Variants in PGBD5 observed in about 807,000 individuals in gnomAD.
The protein encoded by PGBD5 is piggyBac transposable element-derived protein 5.
In PGBD5, 14 loss-of-function variants were observed where a neutral mutation model predicts 47.9. That is an observed-to-expected ratio of 0.29 (90% CI 0.19 to 0.46). PGBD5 has a LOEUF of 0.46. Ranked by LOEUF, PGBD5 falls within the 20% of genes least tolerant of loss-of-function variation. The pLI, the probability that PGBD5 is intolerant of heterozygous loss-of-function variation, is 1.00. For missense variants in PGBD5, 635 were observed against 716.0 expected, an observed-to-expected ratio of 0.89 and a Z score of 1.29; for synonymous variants, 316 against 306.3, an observed-to-expected ratio of 1.03 and a Z score of -0.33.
At chr1:230,412,773 A>C (rs1056883915) in intron 1 of PGBD5, among the ~76,000 whole-genome samples, 26 of 152,182 alleles carry the variant, frequency 1.7e-4, no homozygotes, top group Non-Finnish European at 2.8e-4. Flanking sequence ...TTGCTGTCTC[A>C]GGGGTGGAGG....
intron 1 of PGBD5, among the ~76,000 whole-genome samples, chr1:230,376,677 A>G (rs1196366739): frequency 6.6e-6 from 1 of 152,136 alleles, no homozygotes; most frequent in Non-Finnish European, 1.5e-5. Flanking sequence ...CTGCAAACAC[A>G]CAACTCCAGG....
In PGBD5 at chr1:230,316,527, T is replaced by C. The variant is rs1480949971; in HGVS notation, c.*6898A>G. The C allele has an allele frequency of 6.6e-6, 1 of 152,160 alleles. No homozygotes were observed. The highest frequency in any genetic ancestry group is 1.5e-5 in the Non-Finnish European group (1 of 68,046). The allele number at this position is 152,160 out of a possible 1,614,324, so 9.4% of individuals were successfully genotyped here. A position where few individuals can be genotyped will look rare whatever the true frequency, so the allele number is the denominator to read the frequency against. Reference sequence around the variant, plus strand: ...GGGAGGGAGCGCTCAAGGGGGAAACTAGAAGTTTTAAAAAGACAGGAAAGT... The same window carrying C: ...GGGAGGGAGCGCTCAAGGGGGAAACCAGAAGTTTTAAAAAGACAGGAAAGT... On this transcript the variant is annotated 3_prime_UTR_variant, in exon 7 of 7. Transcript: ENST00000391860.
intron 1 of PGBD5, among the ~76,000 whole-genome samples, chr1:230,393,162 A>C: frequency 8.9e-6 from 1 of 112,920 alleles, no homozygotes; most frequent in Non-Finnish European, 1.7e-5. Context: ...GGAAGGAAAA[A>C]GGGAAGAGAA....
At position 230,415,886 on chromosome 1, in the gene PGBD5, C is replaced by T. The variant is rs115897077; in HGVS notation, c.331+9712G>A. Among the ~76,000 whole-genome samples, 460 of 152,302 alleles carry T rather than the reference C, an allele frequency of 3.0e-3. 2 individuals are homozygous for T. Among genetic ancestry groups the T allele is most frequent in the African/African-American group, 0.01 (436 of 41,558 alleles). On this transcript the variant is annotated intron_variant, in intron 1 of 6. Coordinates refer to ENST00000391860, the MANE Select transcript of PGBD5 (RefSeq NM_001258311.2). ...GCTCTAATATGATTCTTCCTAGTCCCTTAATCAAAGGGACCAGTCTACTCT... is the reference window on the plus strand; with the variant it reads ...GCTCTAATATGATTCTTCCTAGTCCTTTAATCAAAGGGACCAGTCTACTCT...
intron 1 of PGBD5, among the ~76,000 whole-genome samples, chr1:230,391,120 G>A (rs996119226): frequency 6.9e-6 from 1 of 144,318 alleles, no homozygotes; most frequent in African/African-American, 2.5e-5. Context: ...AAGCACCAGG[G>A]CATGTCACCG....
In PGBD5 at chr1:230,323,688, C is replaced by A; in HGVS notation, c.1380-68G>T. On this transcript the variant is annotated intron_variant, in intron 6 of 6. Coordinates refer to ENST00000391860, the MANE Select transcript of PGBD5 (RefSeq NM_001258311.2). The surrounding 1 kb of genome is among the most constrained non-coding windows in gnomAD (Gnocchi z 4.1). ...GGCACCCGGAGATGCATCCCAAAGG[C>A]CCCCCCTCACCACAGCCCGTGAGAC... 2 of 293,602 alleles carry A rather than the reference C, an allele frequency of 6.8e-6. No homozygotes were observed. The highest frequency in any genetic ancestry group is 4.3e-5 in the African/African-American group (1 of 23,362). 18.2% of individuals were successfully genotyped at this position (293,602 alleles called of 1,614,324 possible). A position where few individuals can be genotyped will look rare whatever the true frequency, so the allele number is the denominator to read the frequency against.
intron 1 of PGBD5, among the ~76,000 whole-genome samples, chr1:230,421,201 C>T (rs1021603911): frequency 5.3e-5 from 8 of 152,140 alleles, no homozygotes; most frequent in Non-Finnish European, 1.0e-4. Flanking sequence ...AAGGCAGCTA[C>T]GCCAACCACT....
intron 1 of PGBD5, among the ~76,000 whole-genome samples, chr1:230,396,945 A>C (rs1319165533): frequency 6.6e-6 from 1 of 152,186 alleles, no homozygotes; most frequent in African/African-American, 2.4e-5. Context: ...GCACTCCTGG[A>C]AATGTCCCAC....
chr1:230,378,591 T>G (rs574884091), intron 1 of PGBD5, among the ~76,000 whole-genome samples: 1 of 151,974 alleles, frequency 6.6e-6, no homozygotes, highest in East Asian at 1.9e-4. Context: ...GTGCCACCTC[T>G]CTCTCCACCT....
At chr1:230,394,732 C>T (rs1417127730) in intron 1 of PGBD5, among the ~76,000 whole-genome samples, 1 of 134,510 alleles carries the variant, frequency 7.4e-6, no homozygotes, top group Non-Finnish European at 1.6e-5. Flanking sequence ...GCTCCTCTCT[C>T]ATCCCTACCC....
intron 1 of PGBD5, among the ~76,000 whole-genome samples, chr1:230,389,177 T>TC (rs1368164905): frequency 6.7e-6 from 1 of 149,418 alleles, no homozygotes; most frequent in African/African-American, 2.4e-5. Flanking sequence ...TTTCTTTCTT[T>TC]TTTTTTTTTT....
At chr1:230,405,370 A>G (rs563096971) in intron 1 of PGBD5, among the ~76,000 whole-genome samples, 1 of 152,250 alleles carries the variant, frequency 6.6e-6, no homozygotes, top group Non-Finnish European at 1.5e-5. Context: ...CTCAACCTGA[A>G]GAAGGCGTGG....
At chr1:230,367,904 C>T (rs1312920866) in intron 1 of PGBD5, 1 of 1,330,918 alleles carries the variant, frequency 7.5e-7, no homozygotes, top group South Asian at 1.2e-5. Context: ...CAGGTGAATG[C>T]AGAGGCTCGG....
intron 3 of PGBD5, among the ~76,000 whole-genome samples, chr1:230,339,270 A>G (rs1179609173): frequency 6.6e-6 from 1 of 152,222 alleles, no homozygotes; most frequent in Non-Finnish European, 1.5e-5. Context: ...GATTCAATGT[A>G]CTTTCCTGAA....
intron 1 of PGBD5, among the ~76,000 whole-genome samples, chr1:230,405,658 C>T (rs1456330526): frequency 6.6e-6 from 1 of 152,140 alleles, no homozygotes; most frequent in Non-Finnish European, 1.5e-5. Context: ...CCAGTAGCCT[C>T]CCTGGCTGAG....
chr1:230,357,379 C>T lies in PGBD5; in HGVS notation c.332-58G>A, dbSNP rs1667668083. On this transcript the variant is annotated intron_variant, in intron 1 of 6. Transcript: ENST00000391860. The surrounding 1 kb of genome is among the most constrained non-coding windows in gnomAD (Gnocchi z 5.7). ...GGACGGCCGCCACACCCTGACTCGA[C>T]ACGAGAACGGCTGCATTTCCAATCC... The T allele has an allele frequency of 7.7e-6, 12 of 1,552,508 alleles. No individual in the cohort carries two copies. In the Middle Eastern group the frequency reaches 5.1e-4, roughly 66 times the overall value.
At chr1:230,398,066 C>G (rs1657043386) in intron 1 of PGBD5, among the ~76,000 whole-genome samples, 1 of 152,162 alleles carries the variant, frequency 6.6e-6, no homozygotes, top group African/African-American at 2.4e-5. Context: ...TCCTATAGGA[C>G]CCTGAAACAG....
chr1:230,376,861 C>T lies in PGBD5; in HGVS notation c.332-19540G>A, dbSNP rs139628086. 2.2e-4 allele frequency among the ~76,000 whole-genome samples: 33 copies of T among 152,306 alleles called. No individual in the cohort carries two copies. In the East Asian group the frequency reaches 6.4e-3, roughly 29 times the overall value. ...AGGTCCTAACTTCATTGCTACTATT[C>T]CTACTGTAAGAAAGGGATAATCCTC... On this transcript the variant is annotated intron_variant, in intron 1 of 6. Transcript: ENST00000391860.
At chr1:230,418,850 G>C (rs1657582563) in intron 1 of PGBD5, among the ~76,000 whole-genome samples, 1 of 152,224 alleles carries the variant, frequency 6.6e-6, no homozygotes, top group African/African-American at 2.4e-5. Context: ...ACCCATGTAA[G>C]AATGCACTGT....
Sources: gnomAD v4.1 joint callset for allele counts (sites outside exome capture counted in the v4.1 genomes callset) on GRCh38, gnomAD v4.1.1 for gene constraint, Gnocchi (gnomAD v3.1) non-coding constraint, MANE v1.5 for transcripts, NCBI Gene and HGNC (gene_info 2026-07-23, HGNC 2026-07-21) for gene names.